Variants in TMEM132D observed in about 807,000 individuals in gnomAD.
TMEM132D encodes the protein mature OL transmembrane protein.
Under a neutral mutation model 62.3 loss-of-function variants are expected in TMEM132D, and 21 were observed. That is an observed-to-expected ratio of 0.34 (90% CI 0.24 to 0.49). The LOEUF (loss-of-function observed/expected upper bound fraction) is 0.49, where lower values mean the gene tolerates loss of function less well. Ranked by LOEUF, TMEM132D falls within the 20% of genes least tolerant of loss-of-function variation. The probability of loss-of-function intolerance (pLI) is 0.99; values close to 1 mark genes in which losing one functional copy is unlikely to be tolerated. For missense variants in TMEM132D, 1,346 were observed against 1,402.8 expected, an observed-to-expected ratio of 0.96 and a Z score of 0.65; for synonymous variants, 621 against 575.6, an observed-to-expected ratio of 1.08 and a Z score of -1.13.
chr12:129,116,182 G>A (rs570666274), intron 5 of TMEM132D, among the ~76,000 whole-genome samples: 2 of 152,328 alleles, frequency 1.3e-5, no homozygotes, highest in Admixed American at 1.3e-4. Flanking sequence ...GGAGTCCAAG[G>A]TGCTCAACTG....
intron 5 of TMEM132D, among the ~76,000 whole-genome samples, chr12:129,180,230 G>GAGC (rs1434253925): frequency 6.6e-6 from 1 of 151,994 alleles, no homozygotes; most frequent in Non-Finnish European, 1.5e-5. Context: ...GGAGGAGGAG[G>GAGC]AGGAGGAAGC....
intron 3 of TMEM132D, among the ~76,000 whole-genome samples, chr12:129,432,808 T>C (rs1233338403): frequency 6.6e-6 from 1 of 152,238 alleles, no homozygotes; most frequent in Non-Finnish European, 1.5e-5. Context: ...AAACATATAA[T>C]GCATGAATCA....
intron 4 of TMEM132D, among the ~76,000 whole-genome samples, chr12:129,237,290 A>G (rs1288230180): frequency 1.3e-5 from 2 of 152,128 alleles, no homozygotes; most frequent in East Asian, 1.9e-4. Flanking sequence ...GAAGCAATAT[A>G]TATACAATAA....
chr12:129,700,589 C>T lies in TMEM132D; in HGVS notation c.189G>A (p.Lys63=), dbSNP rs766041797. 1.2e-5 allele frequency: 19 copies of T among 1,614,016 alleles called. No individual in the cohort carries two copies. Among genetic ancestry groups the T allele is most frequent in the Non-Finnish European group, 1.6e-5 (19 of 1,180,020 alleles). ...TCCTCATGATATCCTGGTTGGCCTC[C>T]TTCAGGAAGAAGGAGACGTCCGCGT... is the stretch of plus-strand genomic sequence containing the variant. ...INNADVSFFL[K]EANQDIMRNS... Residue 63 remains lysine (K), a synonymous_variant, in exon 2 of 9, where the codon AAG becomes AAA. Coordinates refer to ENST00000422113, the MANE Select transcript of TMEM132D (RefSeq NM_133448.3).
intron 1 of TMEM132D, among the ~76,000 whole-genome samples, chr12:129,749,463 C>CTTT (rs67597510): frequency 4.2e-5 from 6 of 143,340 alleles, no homozygotes; most frequent in Non-Finnish European, 6.1e-5. Flanking sequence ...TGAAAAGAAT[C>CTTT]TTTTTTTTTT....
intron 4 of TMEM132D, among the ~76,000 whole-genome samples, chr12:129,256,313 G>A (rs866673690): frequency 1.2e-4 from 19 of 152,354 alleles, no homozygotes; most frequent in African/African-American, 4.6e-4. Context: ...CAGAGGACAC[G>A]CAGTGGCGGA....
chr12:129,422,084 T>C (rs1204782368), intron 3 of TMEM132D, among the ~76,000 whole-genome samples: 4 of 116,442 alleles, frequency 3.4e-5, no homozygotes, highest in East Asian at 5.2e-4. Context: ...AATTAAACCA[T>C]ACAGCAATGT....
intron 5 of TMEM132D, among the ~76,000 whole-genome samples, chr12:129,113,586 G>T (rs564755866): frequency 1.5e-4 from 23 of 152,296 alleles, no homozygotes; most frequent in African/African-American, 5.5e-4. Context: ...AGGTGCTAAG[G>T]AGAAAAATAA....
intron 4 of TMEM132D, among the ~76,000 whole-genome samples, chr12:129,234,931 G>T (rs1047344659): frequency 5.3e-5 from 8 of 152,082 alleles, no homozygotes; most frequent in African/African-American, 1.9e-4. Context: ...TAATTAGTTG[G>T]CCAAAGAACC....
intron 3 of TMEM132D, among the ~76,000 whole-genome samples, chr12:129,405,892 A>T (rs999403383): frequency 6.6e-6 from 1 of 152,176 alleles, no homozygotes; most frequent in African/African-American, 2.4e-5. Flanking sequence ...TTTCTTTAGT[A>T]AGCTTTCTTT....
intron 1 of TMEM132D, among the ~76,000 whole-genome samples, chr12:129,716,414 G>C (rs970901490): frequency 6.6e-6 from 1 of 152,150 alleles, no homozygotes; most frequent in Non-Finnish European, 1.5e-5. Context: ...CGCCTGTGAG[G>C]GTCAGGGCAA....
chr12:129,328,781 G>A (rs1221262283), intron 4 of TMEM132D, among the ~76,000 whole-genome samples: 2 of 152,004 alleles, frequency 1.3e-5, no homozygotes, highest in African/African-American at 4.8e-5. Context: ...CGTGTGAGAG[G>A]GATGGAGTGG....
At chr12:129,321,704 G>A (rs1470813884) in intron 4 of TMEM132D, among the ~76,000 whole-genome samples, 13 of 151,976 alleles carry the variant, frequency 8.6e-5, no homozygotes, top group Admixed American at 1.3e-4. Flanking sequence ...GACTACAGGC[G>A]CCCGCCACCA....
At chr12:129,786,401 G>A (rs938119445) in intron 1 of TMEM132D, among the ~76,000 whole-genome samples, 11 of 152,114 alleles carry the variant, frequency 7.2e-5, no homozygotes, top group African/African-American at 2.2e-4. Flanking sequence ...GTAACACCTC[G>A]TGGCGAAAAT....
intron 3 of TMEM132D, among the ~76,000 whole-genome samples, chr12:129,404,975 A>G (rs867883235): frequency 6.6e-6 from 1 of 152,204 alleles, no homozygotes; most frequent in South Asian, 2.1e-4. Flanking sequence ...GGGCTATAAG[A>G]TAAACTGACT....
chr12:129,150,358 C>A (rs757939231), intron 5 of TMEM132D, among the ~76,000 whole-genome samples: 6 of 152,200 alleles, frequency 3.9e-5, no homozygotes, highest in Non-Finnish European at 7.3e-5. Context: ...TCACTGGGGA[C>A]TCTGTTATGC....
chr12:129,885,341 G>A (rs1874718085), intron 1 of TMEM132D, among the ~76,000 whole-genome samples: 1 of 152,224 alleles, frequency 6.6e-6, no homozygotes, highest in African/African-American at 2.4e-5. Context: ...TGTAGCCAGA[G>A]TGCAGAATCA....
rs543159606 is a variant in TMEM132D, at chr12:129,295,217, C to T, written c.1299+42417G>A. Reference sequence around the variant, plus strand: ...ACGGAACACTGCTGGCTAGACACTACGGAACACTGCTGGCTAGACACTACG... The same window carrying T: ...ACGGAACACTGCTGGCTAGACACTATGGAACACTGCTGGCTAGACACTACG... On this transcript the variant is annotated intron_variant, in intron 4 of 8. Transcript: ENST00000422113. Among the ~76,000 whole-genome samples, 21 of 152,224 alleles carry T rather than the reference C, an allele frequency of 1.4e-4. No individual in the cohort carries two copies. In the East Asian group the frequency reaches 1.9e-3, roughly 14 times the overall value.
intron 2 of TMEM132D, among the ~76,000 whole-genome samples, chr12:129,697,916 C>T (rs1236041130): frequency 1.3e-5 from 2 of 152,106 alleles, no homozygotes; most frequent in African/African-American, 4.8e-5. Context: ...CACACACACA[C>T]ACACACACAA....
Sources: gnomAD v4.1 joint callset for allele counts (sites outside exome capture counted in the v4.1 genomes callset) on GRCh38, gnomAD v4.1.1 for gene constraint, MANE v1.5 for transcripts, NCBI Gene and HGNC (gene_info 2026-07-23, HGNC 2026-07-21) for gene names.